Variants in ZAN observed in about 807,000 individuals in gnomAD.
ZAN encodes the protein zonadhesin (gene/pseudogene).
Under a neutral mutation model 286.2 loss-of-function variants are expected in ZAN, and 260 were observed. The observed-to-expected ratio is 0.91, with a 90% CI of 0.82 to 1.01. The LOEUF is 1.01. Among genes scored for constraint, ZAN ranks in the 50% least tolerant of loss-of-function variants. The pLI is 0.00. For missense variants in ZAN, 3,410 were observed against 3,639.2 expected (o/e 0.94, Z 1.62); for synonymous variants, 1,368 against 1,417.5 (o/e 0.97, Z 0.79).
intron 9 of ZAN, 94 bp downstream of exon 9, chr7:100,747,735 A>AT (rs1361609777): frequency 8.0e-7 from 1 of 1,252,026 alleles, no homozygotes; most frequent in Non-Finnish European, 1.2e-6. Flanking sequence ...TCATGCCTGT[A>AT]TTCCCAATAC....
intron 14 of ZAN, among the ~76,000 whole-genome samples, chr7:100,754,175 C>T (rs1808985371): frequency 6.6e-6 from 1 of 151,996 alleles, no homozygotes; most frequent in South Asian, 2.1e-4. Flanking sequence ...AAAAGTATTT[C>T]TGGCCAGGCA....
rs765604256 is a variant in ZAN, at chr7:100,785,950, C to T, written c.6835-47C>T. 65 of 1,574,778 alleles carry T rather than the reference C, an allele frequency of 4.1e-5. No individual in the cohort carries two copies. The African/African-American group carries it at 5.1e-4, about 12-fold the overall frequency. On this transcript the variant is annotated intron_variant, in intron 36 of 47. Transcript: ENST00000613979. ...TTGGGATTACAGGCGTGAGCCGCCGCGCCCAGCCCCCTCCTCACTCTCTTT... is the reference window on the plus strand; with the variant it reads ...TTGGGATTACAGGCGTGAGCCGCCGTGCCCAGCCCCCTCCTCACTCTCTTT...
chr7:100,738,357 G>T, intron 6 of ZAN, 104 bp from the exon 7 acceptor site: 1 of 1,123,702 alleles, frequency 8.9e-7, no homozygotes, highest in Non-Finnish European at 1.3e-6. Context: ...GTTCGAGGCC[G>T]CAGTGAGCTA....
At chr7:100,768,465 C>A in intron 26 of ZAN, 145 bp from the exon 27 acceptor site, 1 of 704,122 alleles carries the variant, frequency 1.4e-6, no homozygotes, top group Non-Finnish European at 2.3e-6. Context: ...GAGCAAGACT[C>A]CATCTCAAAA....
Position 100,767,976 on chromosome 7 carries a change from C to A in ZAN, c.5006C>A (p.Pro1669His). The A allele has an allele frequency of 6.2e-7, 1 of 1,613,774 alleles. No homozygotes were observed. Among genetic ancestry groups the A allele is most frequent in the Non-Finnish European group, 8.5e-7 (1 of 1,179,808 alleles). Residue 1669 changes from proline to histidine, a missense_variant, in exon 26 of 48, where the codon CCC (proline) becomes CAC (histidine). Physicochemically the swap from Pro to His is moderately conservative, Grantham distance 77 (BLOSUM62 -2). This residue lies in a region of ZAN where 1,042 missense variants were observed against 1,058.0 expected (regional missense o/e 0.98). Coordinates refer to ENST00000613979, the MANE Select transcript of ZAN (RefSeq NM_003386.3). ...AGCCACTTGGTGGAAGTGACAGTCC[C>A]CTCCTCCTATGGCGGCCAGCTCTGT... ...DGSHLVEVTV[P>H]SSYGGQLCGL...
chr7:100,784,410 G>A (rs1425644077), intron 35 of ZAN, among the ~76,000 whole-genome samples: 2 of 152,050 alleles, frequency 1.3e-5, no homozygotes, highest in African/African-American at 2.4e-5. Context: ...TTACAGGCGT[G>A]AGCCACCATG....
chr7:100,765,303 C>T (rs759710669), intron 22 of ZAN, 49 bp from the exon 23 acceptor site: 31 of 1,594,614 alleles, frequency 1.9e-5, no homozygotes, highest in Middle Eastern at 3.3e-4. Flanking sequence ...TCCCACCCAG[C>T]CCCGTGGCTT....
intron 6 of ZAN, among the ~76,000 whole-genome samples, chr7:100,737,978 C>T (rs1414003157): frequency 1.4e-5 from 2 of 138,070 alleles, no homozygotes; most frequent in Admixed American, 7.3e-5. Context: ...TTATTTGAGA[C>T]GGAATTTCAC....
chr7:100,780,705 C>T (rs904591537), intron 35 of ZAN, among the ~76,000 whole-genome samples: 1 of 151,874 alleles, frequency 6.6e-6, no homozygotes, highest in Non-Finnish European at 1.5e-5. Flanking sequence ...ACCAGTGTAC[C>T]GTCTCCCTCC....
intron 35 of ZAN, 150 bp downstream of exon 35, chr7:100,779,900 A>G (rs1811090917): frequency 3.0e-6 from 3 of 987,050 alleles, no homozygotes; most frequent in Admixed American, 3.4e-5. Flanking sequence ...TAATTTTTAT[A>G]TAAAATTTTT....
intron 2 of ZAN, among the ~76,000 whole-genome samples, chr7:100,734,625 A>AAAC (rs2131458369): frequency 7.2e-6 from 1 of 139,132 alleles, no homozygotes; most frequent in African/African-American, 2.6e-5. Flanking sequence ...TCTCAAAAAA[A>AAAC]AAAAAACAAA....
At chr7:100,759,280 C>T (rs976891359) in intron 17 of ZAN, among the ~76,000 whole-genome samples, 3 of 151,904 alleles carry the variant, frequency 2.0e-5, no homozygotes, top group African/African-American at 7.3e-5. Flanking sequence ...GTGGGACACA[C>T]CTATAGTCCC....
chr7:100,772,689 T>C (rs1011756316), intron 29 of ZAN, among the ~76,000 whole-genome samples: 13 of 151,242 alleles, frequency 8.6e-5, no homozygotes, highest in Non-Finnish European at 7.4e-5. Flanking sequence ...GGCGTGGTGG[T>C]GGGCGCCTGT....
At chr7:100,792,258 G>A (rs971379140) in intron 41 of ZAN, 110 bp downstream of exon 41, 32 of 1,495,442 alleles carry the variant, frequency 2.1e-5, no homozygotes, top group Middle Eastern at 2.0e-4. Context: ...TCACTCCTCC[G>A]TTCTCCCTGT....
rs1808642080 is a variant in ZAN at position 100,751,256 on chromosome 7, G to C, written c.1596G>C (p.Gly532=). 7 of 1,601,520 alleles carry C rather than the reference G, an allele frequency of 4.4e-6. No individual in the cohort carries two copies. The highest frequency in any genetic ancestry group is 6.0e-6 in the Non-Finnish European group (7 of 1,174,308). Residue 532 remains glycine (G), a synonymous_variant, in exon 13 of 48, where the codon GGG becomes GGC. Coordinates refer to ENST00000613979, the MANE Select transcript of ZAN (RefSeq NM_003386.3). ...TGGGTTTCATCTTGATCAATCCTGG[G>C]ACTTGTCCAGGTAAGACCAAAGCCC... is the stretch of plus-strand genomic sequence containing the variant. ...VAMGFILINP[G]TCPVKVLPEL... is the part of the protein sequence containing the mutation.
At chr7:100,750,233 T>C (rs1246930558) in intron 11 of ZAN, among the ~76,000 whole-genome samples, 1 of 150,418 alleles carries the variant, frequency 6.6e-6, no homozygotes, top group Non-Finnish European at 1.5e-5. Flanking sequence ...ACCTCCGGAG[T>C]TCAAGCAATT....
At chr7:100,795,477 T>G in intron 45 of ZAN, 141 bp downstream of exon 45, 3 of 842,912 alleles carry the variant, frequency 3.6e-6, no homozygotes, top group Non-Finnish European at 4.6e-6. Flanking sequence ...ATTATAAACA[T>G]AACAATTTGT....
At chr7:100,759,580 G>A in intron 17 of ZAN, 141 bp from the exon 18 acceptor site, 2 of 1,102,812 alleles carry the variant, frequency 1.8e-6, no homozygotes, top group East Asian at 5.7e-5. Flanking sequence ...CTCCTGTGTG[G>A]ATCCGGCCTC....
intron 44 of ZAN, 140 bp from the exon 45 acceptor site, chr7:100,795,056 G>A: frequency 9.3e-7 from 1 of 1,070,312 alleles, no homozygotes; most frequent in Non-Finnish European, 1.3e-6. Flanking sequence ...GGCAGGGTTG[G>A]GAGCCAGGCT....
Sources: gnomAD v4.1 joint callset for allele counts (sites outside exome capture counted in the v4.1 genomes callset) on GRCh38, gnomAD v4.1.1 for gene constraint, gnomAD v4.1.1 regional missense constraint, MANE v1.5 for transcripts, NCBI Gene and HGNC (gene_info 2026-07-23, HGNC 2026-07-21) for gene names.